PICALM: variants seen among roughly 807,000 people sequenced by gnomAD.
PICALM encodes phosphatidylinositol binding clathrin assembly protein, also known as phosphatidylinositol-binding clathrin assembly protein.
Under a neutral mutation model 80.5 loss-of-function variants are expected in PICALM, and 40 were observed. That is an observed-to-expected ratio of 0.50 (90% CI 0.39 to 0.65). The LOEUF (loss-of-function observed/expected upper bound fraction) is 0.65, where lower values mean the gene tolerates loss of function less well. Ranked by LOEUF, PICALM falls within the 30% of genes least tolerant of loss-of-function variation. PICALM has a pLI of 0.00. For synonymous variants in PICALM, 288 were observed against 260.3 expected (o/e 1.11, Z -1.02); for missense variants, 676 against 778.9 (o/e 0.87, Z 1.57).
At chr11:86,041,933 T>A (rs536683364) in intron 1 of PICALM, among the ~76,000 whole-genome samples, 1 of 152,350 alleles carries the variant, frequency 6.6e-6, no homozygotes, top group Admixed American at 6.5e-5. Context: ...CACTGACTTG[T>A]ATTTTCAAAT....
chr11:86,031,621 A>C lies in PICALM; in HGVS notation c.131-10T>G. 1.3e-6 allele frequency: 2 copies of C among 1,584,862 alleles called. No homozygotes were observed. The highest frequency in any genetic ancestry group is 1.7e-6 in the Non-Finnish European group (2 of 1,167,980). Reference sequence around the variant, plus strand: ...GTGCACTGAATTAAGTCTGCAATAAAAAATTTTTAAATGATTAATTTCCTC... The same window carrying C: ...GTGCACTGAATTAAGTCTGCAATAACAAATTTTTAAATGATTAATTTCCTC... On this transcript the variant is annotated splice_polypyrimidine_tract_variant and intron_variant, in intron 1 of 19. Transcript: ENST00000393346.
intron 1 of PICALM, among the ~76,000 whole-genome samples, chr11:86,041,101 T>C (rs923905362): frequency 1.3e-5 from 2 of 152,188 alleles, no homozygotes; most frequent in Non-Finnish European, 2.9e-5. Flanking sequence ...TTCATTACAA[T>C]TACTAGCTCA....
intron 1 of PICALM, among the ~76,000 whole-genome samples, chr11:86,058,033 G>A (rs187284530): frequency 8.0e-4 from 122 of 152,146 alleles, no homozygotes; most frequent in African/African-American, 2.8e-3. Flanking sequence ...TGCATGAGGC[G>A]GATTTCTGCC....
At chr11:85,998,995 A>AT (rs2095061896) in intron 11 of PICALM, among the ~76,000 whole-genome samples, 1 of 152,218 alleles carries the variant, frequency 6.6e-6, no homozygotes, top group Non-Finnish European at 1.5e-5. Context: ...ATAATTGTAC[A>AT]TATTTATGGG....
chr11:85,959,699 C>A (rs982648743), intron 19 of PICALM, among the ~76,000 whole-genome samples: 2 of 150,188 alleles, frequency 1.3e-5, no homozygotes, highest in Non-Finnish European at 3.0e-5. Flanking sequence ...CCTGCCTCAG[C>A]CTCCTGAATA....
At chr11:86,054,030 A>G (rs538506546) in intron 1 of PICALM, among the ~76,000 whole-genome samples, 56 of 152,280 alleles carry the variant, frequency 3.7e-4, no homozygotes, top group Non-Finnish European at 6.5e-4. Context: ...TCATACTATC[A>G]CCCAATAAGA....
chr11:86,016,978 T>C (rs1391090128), intron 4 of PICALM, among the ~76,000 whole-genome samples: 1 of 152,152 alleles, frequency 6.6e-6, no homozygotes, highest in Non-Finnish European at 1.5e-5. Context: ...TCCCAGCACT[T>C]TGGGAGGCTG....
At chr11:85,980,372 A>C (rs989936191) in intron 17 of PICALM, among the ~76,000 whole-genome samples, 2 of 152,186 alleles carry the variant, frequency 1.3e-5, no homozygotes, top group African/African-American at 4.8e-5. Flanking sequence ...ACACTTCTGA[A>C]CTTTATTTCC....
chr11:86,042,507 A>C (rs1367209319), intron 1 of PICALM, among the ~76,000 whole-genome samples: 1 of 152,092 alleles, frequency 6.6e-6, no homozygotes, highest in Non-Finnish European at 1.5e-5. Context: ...GAAGATCTTA[A>C]ATTTCACAAT....
chr11:85,971,821 C>T (rs935922193), intron 19 of PICALM, among the ~76,000 whole-genome samples: 1 of 151,974 alleles, frequency 6.6e-6, no homozygotes, highest in Non-Finnish European at 1.5e-5. Flanking sequence ...TAGCTCTTGT[C>T]GCCCAGCCTG....
At chr11:85,973,378 T>C (rs994512914) in intron 19 of PICALM, among the ~76,000 whole-genome samples, 1 of 152,148 alleles carries the variant, frequency 6.6e-6, no homozygotes, top group Non-Finnish European at 1.5e-5. Flanking sequence ...TGAACCGTGG[T>C]CTGAAAATAG....
At chr11:85,965,603 C>T (rs938192328) in intron 19 of PICALM, among the ~76,000 whole-genome samples, 2 of 151,948 alleles carry the variant, frequency 1.3e-5, no homozygotes, top group Non-Finnish European at 2.9e-5. Flanking sequence ...GATTCCTCAG[C>T]TTCCCCTGTG....
intron 3 of PICALM, chr11:86,023,357 T>C (rs991671537): frequency 1.3e-4 from 70 of 557,912 alleles, no homozygotes; most frequent in Non-Finnish European, 1.5e-4. Context: ...TAAGTACCAG[T>C]GGAGAAAAAT....
intron 13 of PICALM, among the ~76,000 whole-genome samples, chr11:85,984,503 G>C (rs926109664): frequency 6.6e-6 from 1 of 152,130 alleles, no homozygotes; most frequent in Non-Finnish European, 1.5e-5. Context: ...ATGGGATTCT[G>C]AATGTTCCAA....
chr11:86,039,626 C>A (rs1450479061), intron 1 of PICALM, among the ~76,000 whole-genome samples: 3 of 152,060 alleles, frequency 2.0e-5, no homozygotes, highest in Non-Finnish European at 4.4e-5. Context: ...GAAAAGACCT[C>A]CAACAATGCT....
intron 19 of PICALM, among the ~76,000 whole-genome samples, chr11:85,971,510 T>C (rs1201660468): frequency 6.6e-6 from 1 of 151,706 alleles, no homozygotes. Flanking sequence ...CCGAGGCAGA[T>C]GAACTGCTAG....
intron 1 of PICALM, among the ~76,000 whole-genome samples, chr11:86,040,950 T>C (rs1196426037): frequency 6.6e-6 from 1 of 152,200 alleles, no homozygotes; most frequent in South Asian, 2.1e-4. Context: ...CAATACATTA[T>C]GGTGATTGTA....
intron 4 of PICALM, among the ~76,000 whole-genome samples, chr11:86,020,838 C>A (rs960666230): frequency 6.6e-6 from 1 of 151,892 alleles, no homozygotes; most frequent in South Asian, 2.1e-4. Context: ...ATTTCTTAGA[C>A]ATGATTACAA....
intron 13 of PICALM, among the ~76,000 whole-genome samples, chr11:85,986,469 C>A (rs2094576342): frequency 1.4e-5 from 2 of 143,142 alleles, no homozygotes; most frequent in Admixed American, 1.5e-4. Context: ...CGGCTCACTG[C>A]AAGCTCCACT....
Sources: allele counts gnomAD v4.1 joint callset (sites outside exome capture counted in the v4.1 genomes callset), GRCh38; gene constraint gnomAD v4.1.1; transcripts MANE v1.5; gene names NCBI Gene and HGNC (gene_info 2026-07-23, HGNC 2026-07-21).